The following PDE4B variants were observed in gnomAD, a reference collection of about 807,000 sequenced individuals.
PDE4B encodes the protein phosphodiesterase 4B.
In PDE4B, 20 loss-of-function variants were observed where a neutral mutation model predicts 82.2. That is an observed-to-expected ratio of 0.24 (90% CI 0.17 to 0.35). The LOEUF (loss-of-function observed/expected upper bound fraction) is 0.35, where lower values mean the gene tolerates loss of function less well. Ranked by LOEUF, PDE4B falls within the 10% of genes least tolerant of loss-of-function variation. The pLI is 1.00. For synonymous variants in PDE4B, 320 were observed against 318.9 expected, an observed-to-expected ratio of 1.00 and a Z score of -0.04; for missense variants, 655 against 907.2, an observed-to-expected ratio of 0.72 and a Z score of 3.57.
chr1:66,135,893 A>G (rs553876184), intron 3 of PDE4B, among the ~76,000 whole-genome samples: 1 of 152,194 alleles, frequency 6.6e-6, no homozygotes, highest in Non-Finnish European at 1.5e-5. Flanking sequence ...CAAACTTTGG[A>G]CATGAAAAAG....
intron 3 of PDE4B, among the ~76,000 whole-genome samples, chr1:66,104,375 T>A (rs1223564747): frequency 6.8e-5 from 10 of 146,694 alleles, no homozygotes; most frequent in African/African-American, 2.6e-4. Context: ...TCTTTGCTAT[T>A]GTGAATAGTG....
At chr1:66,316,012 G>A (rs1324525345) in intron 7 of PDE4B, among the ~76,000 whole-genome samples, 1 of 152,184 alleles carries the variant, frequency 6.6e-6, no homozygotes, top group Non-Finnish European at 1.5e-5. Flanking sequence ...TCTGTCTGCT[G>A]GCTACCTAGC....
intron 3 of PDE4B, among the ~76,000 whole-genome samples, chr1:66,244,790 T>C (rs1653176088): frequency 6.6e-6 from 1 of 152,186 alleles, no homozygotes; most frequent in African/African-American, 2.4e-5. Flanking sequence ...TGAGTTTAAG[T>C]AGGGTAAGAA....
intron 1 of PDE4B, among the ~76,000 whole-genome samples, chr1:65,908,754 G>T (rs1647055106): frequency 1.3e-5 from 2 of 152,022 alleles, no homozygotes; most frequent in African/African-American, 2.4e-5. Flanking sequence ...CAGTGTGAAA[G>T]CTCCTACTGC....
At chr1:66,210,468 C>T (rs576909522) in intron 3 of PDE4B, among the ~76,000 whole-genome samples, 14 of 151,500 alleles carry the variant, frequency 9.2e-5, no homozygotes, top group East Asian at 1.9e-4. Flanking sequence ...TGGTAGTGCG[C>T]GCTTGTAGTC....
intron 3 of PDE4B, among the ~76,000 whole-genome samples, chr1:66,134,063 C>A (rs1301557548): frequency 1.7e-4 from 25 of 150,842 alleles, no homozygotes; most frequent in Non-Finnish European, 1.5e-5. Context: ...AAAAAGACTT[C>A]TAAGGCTGCC....
intron 3 of PDE4B, among the ~76,000 whole-genome samples, chr1:66,100,487 A>C (rs1347976831): frequency 1.3e-5 from 2 of 152,182 alleles, no homozygotes; most frequent in African/African-American, 4.8e-5. Context: ...TGCTTAATAA[A>C]TATTCACTTA....
chr1:66,111,429 T>G (rs1485902187), intron 3 of PDE4B, among the ~76,000 whole-genome samples: 2 of 152,100 alleles, frequency 1.3e-5, no homozygotes, highest in African/African-American at 4.8e-5. Flanking sequence ...CATTTCCAGC[T>G]GCCTTAAGTT....
At chr1:66,145,087 A>G (rs75579083) in intron 3 of PDE4B, among the ~76,000 whole-genome samples, 2,816 of 152,308 alleles carry the variant, frequency 0.018, 41 homozygotes, top group Non-Finnish European at 0.028. Context: ...CTAGCTTCTA[A>G]AACAAACATT....
intron 3 of PDE4B, among the ~76,000 whole-genome samples, chr1:65,998,846 T>G (rs568468301): frequency 6.6e-6 from 1 of 151,450 alleles, no homozygotes; most frequent in African/African-American, 2.4e-5. Flanking sequence ...TATTTTACTT[T>G]AAGTGCAGAC....
chr1:66,201,297 C>T (rs1214448483), intron 3 of PDE4B, among the ~76,000 whole-genome samples: 1 of 152,124 alleles, frequency 6.6e-6, no homozygotes, highest in Non-Finnish European at 1.5e-5. Context: ...GGATATTGGT[C>T]TAAAATTCTC....
At chr1:66,207,363 A>G (rs934054394) in intron 3 of PDE4B, among the ~76,000 whole-genome samples, 2 of 152,212 alleles carry the variant, frequency 1.3e-5, no homozygotes, top group African/African-American at 4.8e-5. Flanking sequence ...GATTTCAGAA[A>G]CTGAACCCCA....
chr1:65,861,635 G>T (rs763465030), intron 1 of PDE4B, among the ~76,000 whole-genome samples: 3 of 152,056 alleles, frequency 2.0e-5, no homozygotes, highest in Non-Finnish European at 2.9e-5. Context: ...AAATTACTTT[G>T]GGCCATAAGG....
intron 3 of PDE4B, among the ~76,000 whole-genome samples, chr1:66,164,535 CAAAAAAAAA>C (rs10718019): frequency 2.9e-4 from 14 of 48,564 alleles, no homozygotes; most frequent in African/African-American, 4.0e-4. Context: ...GACTCCGTCT[CAAAAAAAAA>C]AAAAAAAAAA....
chr1:65,863,294 T>C (rs1337973768), intron 1 of PDE4B, among the ~76,000 whole-genome samples: 1 of 152,238 alleles, frequency 6.6e-6, no homozygotes, highest in African/African-American at 2.4e-5. Context: ...TTGTTCAGTT[T>C]CCATGTAGTT....
chr1:66,129,145 G>A (rs12084208), intron 3 of PDE4B, among the ~76,000 whole-genome samples: 2,387 of 152,294 alleles, frequency 0.016, 56 homozygotes, highest in African/African-American at 0.055. Flanking sequence ...ATCTAGAGAC[G>A]TTGTGTTATT....
Position 66,214,103 on chromosome 1 carries a change from G to C in PDE4B, c.282-33357G>C, listed in dbSNP as rs528798652. Among the ~76,000 whole-genome samples the C allele has an allele frequency of 7.2e-5, 11 of 152,304 alleles. No individual in the cohort carries two copies. The East Asian group carries it at 2.1e-3, about 29-fold the overall frequency. On this transcript the variant is annotated intron_variant, in intron 3 of 16. Coordinates refer to ENST00000341517, the MANE Select transcript of PDE4B (RefSeq NM_002600.4). ...AGAAACACACTATGATCTTGGGCATGTGATGATGAAGGCTAAGCAACATCC... is the reference window on the plus strand; with the variant it reads ...AGAAACACACTATGATCTTGGGCATCTGATGATGAAGGCTAAGCAACATCC...
intron 7 of PDE4B, among the ~76,000 whole-genome samples, chr1:66,297,397 G>A (rs1657587340): frequency 6.6e-6 from 1 of 151,984 alleles, no homozygotes; most frequent in Non-Finnish European, 1.5e-5. Context: ...AATTTCATCA[G>A]CATGCAGACA....
At chr1:65,863,534 G>A (rs1380293638) in intron 1 of PDE4B, among the ~76,000 whole-genome samples, 2 of 152,194 alleles carry the variant, frequency 1.3e-5, no homozygotes, top group African/African-American at 4.8e-5. Flanking sequence ...TTCTTCCAGA[G>A]CTGAGTTCAA....
Sources: allele counts gnomAD v4.1 joint callset (sites outside exome capture counted in the v4.1 genomes callset), GRCh38; gene constraint gnomAD v4.1.1; transcripts MANE v1.5; gene names NCBI Gene and HGNC (gene_info 2026-07-23, HGNC 2026-07-21).